RNF24: variants seen among roughly 807,000 people sequenced by gnomAD.
RNF24 encodes the protein ring finger protein 24.
In RNF24, 14 loss-of-function variants were observed where a neutral mutation model predicts 20.0. The ratio of observed to expected loss-of-function variants is 0.70; its 90% CI spans 0.46 to 1.10. The LOEUF (loss-of-function observed/expected upper bound fraction) is 1.10, where lower values mean the gene tolerates loss of function less well. Among genes scored for constraint, RNF24 ranks in the 50% least tolerant of loss-of-function variants. The pLI, the probability that RNF24 is intolerant of heterozygous loss-of-function variation, is 0.00. For missense variants in RNF24, 124 were observed against 177.6 expected, an observed-to-expected ratio of 0.70 and a Z score of 1.71; for synonymous variants, 45 against 61.1, an observed-to-expected ratio of 0.74 and a Z score of 1.23.
At position 3,980,970 on chromosome 20, in the gene RNF24, GGGGGGCAGGGGGA is replaced by G. The variant is rs1979330258; in HGVS notation, c.-7-16959_-7-16947del. ...TGCACAATTTGTGTGTGTGTGTTGG[GGGGGGCAGGGGGA>G]GGGGGCGGCCCTGAATGCTTATGGG... On this transcript the variant is annotated intron_variant, in intron 1 of 5. Coordinates refer to ENST00000358395, the MANE Select transcript of RNF24 (RefSeq NM_001134337.3). Among the ~76,000 whole-genome samples the G allele has an allele frequency of 5.9e-5, 9 of 151,650 alleles. No individual in the cohort carries two copies. The South Asian group carries it at 1.9e-3, about 32-fold the overall frequency.
intron 4 of RNF24, among the ~76,000 whole-genome samples, chr20:3,938,564 GAA>G (rs1568614497): frequency 6.6e-6 from 1 of 152,168 alleles, no homozygotes. Context: ...CTGTTAGGAT[GAA>G]AAGACTGGGA....
chr20:3,960,221 A>G (rs1036437284), intron 2 of RNF24, among the ~76,000 whole-genome samples: 4 of 152,188 alleles, frequency 2.6e-5, no homozygotes, highest in Non-Finnish European at 5.9e-5. Flanking sequence ...AGCTTAGGTT[A>G]TCATAAAAAA....
chr20:3,973,804 TC>T (rs1290207647), intron 1 of RNF24, among the ~76,000 whole-genome samples: 1 of 152,112 alleles, frequency 6.6e-6, no homozygotes, highest in African/African-American at 2.4e-5. Flanking sequence ...ACCAGAGAAT[TC>T]TACCAAAAGT....
At position 3,929,116 on chromosome 20, in the gene RNF24, G is replaced by T. The variant is rs879405168; in HGVS notation, c.*4947C>A. On this transcript the variant is annotated 3_prime_UTR_variant, in exon 6 of 6. Transcript: ENST00000358395. Reference sequence around the variant, plus strand: ...CCTGCCTCGGCCTCCCAAAGTGCTGGGATGTTGGGATTACAGGCGTGAGCC... The same window carrying T: ...CCTGCCTCGGCCTCCCAAAGTGCTGTGATGTTGGGATTACAGGCGTGAGCC... The T allele has an allele frequency of 6.6e-6, 1 of 152,266 alleles. No individual in the cohort carries two copies. Among genetic ancestry groups the T allele is most frequent in the Non-Finnish European group, 1.5e-5 (1 of 68,144 alleles). 9.4% of individuals were successfully genotyped at this position (152,266 alleles called of 1,614,324 possible). A position where few individuals can be genotyped will look rare whatever the true frequency, so the allele number is the denominator to read the frequency against.
At chr20:4,007,353 G>A (rs1241239972) in intron 1 of RNF24, among the ~76,000 whole-genome samples, 2 of 151,940 alleles carry the variant, frequency 1.3e-5, no homozygotes, top group African/African-American at 4.8e-5. Flanking sequence ...TTTTTTATGT[G>A]GTCCTCAGAA....
intron 1 of RNF24, among the ~76,000 whole-genome samples, chr20:3,969,885 C>T (rs1353437493): frequency 6.6e-6 from 1 of 151,954 alleles, no homozygotes; most frequent in Non-Finnish European, 1.5e-5. Context: ...ATTGTCCTGC[C>T]TCAGCCTCCC....
intron 4 of RNF24, among the ~76,000 whole-genome samples, chr20:3,944,103 G>T (rs893378485): frequency 1.3e-5 from 2 of 151,108 alleles, no homozygotes; most frequent in African/African-American, 4.9e-5. Flanking sequence ...CTAGCTACTC[G>T]ACAGGCTGAA....
chr20:4,003,205 G>A (rs1243502859), intron 1 of RNF24, among the ~76,000 whole-genome samples: 2 of 152,104 alleles, frequency 1.3e-5, no homozygotes, highest in African/African-American at 4.8e-5. Flanking sequence ...TCCTGATCTC[G>A]TGATCTACCC....
chr20:3,981,977 G>C (rs903961528), intron 1 of RNF24, among the ~76,000 whole-genome samples: 5 of 152,062 alleles, frequency 3.3e-5, no homozygotes, highest in Admixed American at 2.6e-4. Context: ...AATTAGCTGG[G>C]TATGGTGGTG....
chr20:3,995,159 A>G (rs1442941421), intron 1 of RNF24, among the ~76,000 whole-genome samples: 2 of 152,212 alleles, frequency 1.3e-5, no homozygotes, highest in East Asian at 1.9e-4. Context: ...GCAAGTCTCA[A>G]TGTCCCATCT....
intron 1 of RNF24, among the ~76,000 whole-genome samples, chr20:3,991,420 T>C (rs1316952856): frequency 6.6e-6 from 1 of 151,922 alleles, no homozygotes; most frequent in Non-Finnish European, 1.5e-5. Context: ...GCCCAGCTAA[T>C]TTTTTGTATT....
intron 4 of RNF24, among the ~76,000 whole-genome samples, chr20:3,938,432 C>T (rs575396155): frequency 4.6e-5 from 7 of 152,282 alleles, no homozygotes; most frequent in South Asian, 2.1e-4. Context: ...AAAAGACACA[C>T]GCAGCCTAAG....
At chr20:4,008,486 TA>T (rs74208889) in intron 1 of RNF24, among the ~76,000 whole-genome samples, 28 of 113,754 alleles carry the variant, frequency 2.5e-4, no homozygotes, top group East Asian at 8.6e-4. Flanking sequence ...ATATATAATA[TA>T]ATATAATATA....
chr20:3,940,321 C>T (rs1280094226), intron 4 of RNF24, among the ~76,000 whole-genome samples: 3 of 150,552 alleles, frequency 2.0e-5, no homozygotes, highest in South Asian at 2.1e-4. Flanking sequence ...TGGATGGGCT[C>T]AACAGCAGAA....
intron 2 of RNF24, among the ~76,000 whole-genome samples, chr20:3,961,924 A>T (rs2091206331): frequency 6.6e-6 from 1 of 152,198 alleles, no homozygotes; most frequent in East Asian, 1.9e-4. Context: ...AATGTTTATC[A>T]AACTATTATT....
At position 3,984,238 on chromosome 20, in the gene RNF24, A is replaced by C. The variant is rs184502310; in HGVS notation, c.-7-20214T>G. Among the ~76,000 whole-genome samples the C allele has an allele frequency of 6.7e-3, 990 of 147,492 alleles. 2 individuals are homozygous for C. The highest frequency in any genetic ancestry group is 0.011 in the Admixed American group (156 of 14,664). ...TAACAGAGCTAGACCCTGTCTCTTA[A>C]AAAAAAAAAAGAAAAGAAAAGAAAG... is the stretch of plus-strand genomic sequence containing the variant. On this transcript the variant is annotated intron_variant, in intron 1 of 5. Transcript: ENST00000358395.
Position 3,964,026 on chromosome 20 carries a change from TG to T in RNF24, c.-7-3del. On this transcript the variant is annotated splice_polypyrimidine_tract_variant and splice_region_variant and intron_variant, in intron 1 of 5. Transcript: ENST00000358395. ...GGGAAATCCGAGCTCATGGATGAAC[TG>T]TGGGGGAAGAAAAGAATGGAAAAAA... The T allele has an allele frequency of 6.2e-7, 1 of 1,610,178 alleles. No individual in the cohort carries two copies.
intron 1 of RNF24, among the ~76,000 whole-genome samples, chr20:4,007,154 T>C (rs998305114): frequency 2.0e-5 from 3 of 152,254 alleles, no homozygotes; most frequent in African/African-American, 4.8e-5. Context: ...GTTTAGCTTG[T>C]ATATTTTGTA....
chr20:4,007,250 A>C (rs576145943), intron 1 of RNF24, among the ~76,000 whole-genome samples: 1 of 152,366 alleles, frequency 6.6e-6, no homozygotes, highest in African/African-American at 2.4e-5. Context: ...AAGCTAAAAC[A>C]GACTATTTAA....
Sources: gnomAD v4.1 joint callset for allele counts (sites outside exome capture counted in the v4.1 genomes callset) on GRCh38, gnomAD v4.1.1 for gene constraint, MANE v1.5 for transcripts, NCBI Gene and HGNC (gene_info 2026-07-23, HGNC 2026-07-21) for gene names.